Variants in PLAA observed in about 807,000 individuals in gnomAD.
PLAA encodes the protein phospholipase A-2-activating protein.
In PLAA, 48 loss-of-function variants were observed where a neutral mutation model predicts 84.1. The ratio of observed to expected loss-of-function variants is 0.57; its 90% CI spans 0.45 to 0.73. PLAA has a LOEUF of 0.73. Ranked by LOEUF, PLAA falls within the 30% of genes least tolerant of loss-of-function variation. The pLI is 0.00. For missense variants in PLAA, 903 were observed against 954.7 expected, an observed-to-expected ratio of 0.95 and a Z score of 0.71; for synonymous variants, 392 against 336.6, an observed-to-expected ratio of 1.16 and a Z score of -1.80.
intron 1 of PLAA, among the ~76,000 whole-genome samples, chr9:26,942,708 C>A (rs1676163827): frequency 6.6e-6 from 1 of 151,962 alleles, no homozygotes; most frequent in Non-Finnish European, 1.5e-5. Context: ...CTGTGAAACC[C>A]CGTCTCTACT....
chr9:26,928,071 A>G (rs1825036846), intron 4 of PLAA, 29 bp downstream of exon 4: 1 of 1,576,012 alleles, frequency 6.3e-7, no homozygotes, highest in South Asian at 1.2e-5. Context: ...AAGCAATGAT[A>G]TTATAAAACT....
At chr9:26,938,835 T>C (rs1825437620) in intron 1 of PLAA, among the ~76,000 whole-genome samples, 1 of 152,196 alleles carries the variant, frequency 6.6e-6, no homozygotes, top group African/African-American at 2.4e-5. Context: ...TTTTCCTACA[T>C]AATTTCAGAA....
intron 1 of PLAA, among the ~76,000 whole-genome samples, chr9:26,942,736 G>C (rs1825578162): frequency 6.6e-6 from 1 of 152,068 alleles, no homozygotes; most frequent in South Asian, 2.1e-4. Flanking sequence ...CAAAAAATTA[G>C]CCGGGCGCCG....
At chr9:26,941,224 C>T (rs1825526812) in intron 1 of PLAA, among the ~76,000 whole-genome samples, 1 of 150,716 alleles carries the variant, frequency 6.6e-6, no homozygotes. Context: ...CCCAGCCAGA[C>T]AACTGTCCTG....
chr9:26,946,287 G>A (rs1361785633), intron 1 of PLAA, among the ~76,000 whole-genome samples: 2 of 147,192 alleles, frequency 1.4e-5, no homozygotes, highest in African/African-American at 5.0e-5. Flanking sequence ...TTTTTGGTTC[G>A]TGAACCCTTC....
Position 26,910,471 on chromosome 9 carries a change from C to G in PLAA, c.1556-32G>C, listed in dbSNP as rs186590278. ...AAAGAATAGAAGATGATGATAATCA[C>G]AAGGAGTGATCAAAAATGAGATTTT... On this transcript the variant is annotated intron_variant, in intron 11 of 13. Coordinates refer to ENST00000397292, the MANE Select transcript of PLAA (RefSeq NM_001031689.3). The G allele has an allele frequency of 4.7e-4, 709 of 1,503,890 alleles. 3 individuals carry two copies. The African/African-American group carries it at 9.1e-3, about 19-fold the overall frequency. The allele number at this position is 1,503,890 out of a possible 1,614,324, so 93.2% of individuals were successfully genotyped here.
At chr9:26,942,226 AG>A (rs1563921698) in intron 1 of PLAA, among the ~76,000 whole-genome samples, 2 of 152,244 alleles carry the variant, frequency 1.3e-5, no homozygotes, top group Non-Finnish European at 2.9e-5. Flanking sequence ...GCAACAAGGA[AG>A]AAAACCAACC....
At chr9:26,910,294 A>G in intron 12 of PLAA, 44 bp downstream of exon 12, 1 of 1,421,178 alleles carries the variant, frequency 7.0e-7, no homozygotes, top group Non-Finnish European at 9.9e-7. Context: ...ATGACATCTC[A>G]AACAGTCTGT....
At chr9:26,933,258 C>T (rs529463245) in intron 2 of PLAA, among the ~76,000 whole-genome samples, 48 of 148,226 alleles carry the variant, frequency 3.2e-4, no homozygotes, top group African/African-American at 8.2e-4. Context: ...AAGAGCAAGA[C>T]TCTGTCTAAA....
At chr9:26,929,546 T>C (rs1282924152) in intron 2 of PLAA, among the ~76,000 whole-genome samples, 4 of 152,160 alleles carry the variant, frequency 2.6e-5, no homozygotes, top group Admixed American at 2.6e-4. Flanking sequence ...AGCACAGCCA[T>C]AAAGAACCTT....
chr9:26,908,875 G>A (rs886389750), intron 12 of PLAA, among the ~76,000 whole-genome samples: 5 of 152,128 alleles, frequency 3.3e-5, no homozygotes, highest in African/African-American at 9.7e-5. Context: ...CAACTTTTTA[G>A]CCAATTTATG....
At position 26,919,359 on chromosome 9, in the gene PLAA, T is replaced by C; in HGVS notation, c.1368A>G (p.Lys456=). 1 of 1,612,468 alleles carries C rather than the reference T, an allele frequency of 6.2e-7. No individual in the cohort carries two copies. The highest frequency in any genetic ancestry group is 8.5e-7 in the Non-Finnish European group (1 of 1,179,588). Residue 456 remains lysine (K), a synonymous_variant, in exon 9 of 14, where the codon AAA becomes AAG. Transcript: ENST00000397292. ...QVAKFIIDNT[K]GQMLGLGNPS... Reference sequence around the variant, plus strand: ...GATTCCCAAGTCCCAACATTTGACCTTTTGTGTTATCAATAATAAATTTAG... The same window carrying C: ...GATTCCCAAGTCCCAACATTTGACCCTTTGTGTTATCAATAATAAATTTAG...
At chr9:26,945,971 C>T (rs1477319737) in intron 1 of PLAA, among the ~76,000 whole-genome samples, 1 of 152,130 alleles carries the variant, frequency 6.6e-6, no homozygotes, top group Admixed American at 6.5e-5. Context: ...TTTAATCTAT[C>T]TTCCCCATCA....
At chr9:26,932,208 G>A (rs1825208398) in intron 2 of PLAA, among the ~76,000 whole-genome samples, 2 of 102,194 alleles carry the variant, frequency 2.0e-5, no homozygotes, top group Admixed American at 2.0e-4. Flanking sequence ...AACATTCACT[G>A]GATGTTTTTG....
intron 12 of PLAA, among the ~76,000 whole-genome samples, chr9:26,909,137 T>C (rs1468628189): frequency 6.6e-6 from 1 of 152,138 alleles, no homozygotes; most frequent in Non-Finnish European, 1.5e-5. Flanking sequence ...AAAATCTTTA[T>C]CTCAAGAATA....
In PLAA at chr9:26,905,773, T is replaced by G. The variant is rs770912982; in HGVS notation, c.2126A>C (p.Tyr709Ser). Residue 709 changes from tyrosine to serine, a missense_variant, in exon 14 of 14, where the codon TAT becomes TCT. Transcript: ENST00000397292. The stretch of plus-strand genomic sequence containing the variant: ...ATGGTCTTTATGAAAACAAACAGAA[T>G]AGTTCAGGGCCAATGTAGCCAGAGC... ...HIALATLALN[Y>S]SVCFHKDHNI... The G allele has an allele frequency of 1.2e-6, 2 of 1,614,178 alleles. No homozygotes were observed. Among genetic ancestry groups the G allele is most frequent in the Non-Finnish European group, 1.7e-6 (2 of 1,180,022 alleles).
intron 2 of PLAA, among the ~76,000 whole-genome samples, chr9:26,934,239 C>T (rs1346911702): frequency 6.6e-6 from 1 of 152,150 alleles, no homozygotes; most frequent in African/African-American, 2.4e-5. Flanking sequence ...AACTGTTAAG[C>T]CACACAGAAA....
intron 8 of PLAA, 99 bp from the exon 9 acceptor site, chr9:26,919,628 A>C: frequency 1.4e-6 from 1 of 711,770 alleles, no homozygotes; most frequent in Non-Finnish European, 2.4e-6. Flanking sequence ...TAATAATTAC[A>C]GTACTTAAAC....
intron 10 of PLAA, chr9:26,916,266 C>T (rs1405429621): frequency 1.0e-6 from 1 of 985,252 alleles, no homozygotes; most frequent in Non-Finnish European, 1.2e-6. Context: ...TACCTAAACG[C>T]TATGATCTCT....
Sources: gnomAD v4.1 joint callset for allele counts (sites outside exome capture counted in the v4.1 genomes callset) on GRCh38, gnomAD v4.1.1 for gene constraint, MANE v1.5 for transcripts, NCBI Gene and HGNC (gene_info 2026-07-23, HGNC 2026-07-21) for gene names.